KIF13A: variants seen among roughly 807,000 people sequenced by gnomAD.
The protein encoded by KIF13A is kinesin-like protein KIF13A.
In KIF13A, 79 loss-of-function variants were observed where a neutral mutation model predicts 212.2. The observed-to-expected ratio is 0.37, with a 90% CI of 0.31 to 0.45. KIF13A has a LOEUF of 0.45. Ranked by LOEUF, KIF13A falls within the 20% of genes least tolerant of loss-of-function variation. KIF13A has a pLI of 1.00. For missense variants in KIF13A, 1,901 were observed against 2,209.0 expected, an observed-to-expected ratio of 0.86 and a Z score of 2.79; for synonymous variants, 789 against 808.6, an observed-to-expected ratio of 0.98 and a Z score of 0.41.
rs1462468771 is a variant in KIF13A at position 17,814,310 on chromosome 6, G to A, written c.2000+2710C>T. Among the ~76,000 whole-genome samples the A allele has an allele frequency of 1.1e-4, 16 of 141,202 alleles. No homozygotes were observed. In the South Asian group the frequency reaches 1.1e-3, roughly 10 times the overall value. 92.6% of individuals were successfully genotyped at this position (141,202 alleles called of 152,430 possible). ...GTCACCCAGGCTAGAGTGCAGTGGC[G>A]TGATCTCAGATCACTGCAACCTCTG... On this transcript the variant is annotated intron_variant, in intron 17 of 38. Coordinates refer to ENST00000259711, the MANE Select transcript of KIF13A (RefSeq NM_022113.6).
chr6:17,902,816 C>T (rs976760300), intron 2 of KIF13A, among the ~76,000 whole-genome samples: 7 of 152,190 alleles, frequency 4.6e-5, no homozygotes, highest in African/African-American at 1.7e-4. Flanking sequence ...AAGATGTAAA[C>T]CCCTTGAAAA....
At position 17,783,162 on chromosome 6, in the gene KIF13A, C is replaced by A. The variant is rs375079560; in HGVS notation, c.3544+484G>T. 6.6e-6 allele frequency among the ~76,000 whole-genome samples: 1 copy of A among 152,206 alleles called. No individual in the cohort carries two copies. Among genetic ancestry groups the A allele is most frequent in the African/African-American group, 2.4e-5 (1 of 41,446 alleles). ...ACACATGGGGTTCCAGTTAATATTTCGTTTAGAAAAGGATTGTTCTGCTAA... is the reference window on the plus strand; with the variant it reads ...ACACATGGGGTTCCAGTTAATATTTAGTTTAGAAAAGGATTGTTCTGCTAA... On this transcript the variant is annotated intron_variant, in intron 29 of 38. Coordinates refer to ENST00000259711, the MANE Select transcript of KIF13A (RefSeq NM_022113.6). The surrounding 1 kb of genome is among the most constrained non-coding windows in gnomAD (Gnocchi z 4.3).
intron 3 of KIF13A, among the ~76,000 whole-genome samples, chr6:17,894,681 A>G (rs974982144): frequency 2.0e-5 from 3 of 152,180 alleles, no homozygotes; most frequent in Admixed American, 6.5e-5. Flanking sequence ...TACATTATTC[A>G]TAACTAAACT....
chr6:17,830,075 GC>G (rs1044129805), intron 13 of KIF13A, among the ~76,000 whole-genome samples: 1 of 152,176 alleles, frequency 6.6e-6, no homozygotes, highest in African/African-American at 2.4e-5. Context: ...CTGATGGTTG[GC>G]TGAATGCCTT....
At chr6:17,759,146 ATAT>A (rs1758480455), downstream of KIF13A, 1 of 152,166 alleles carries the variant, frequency 6.6e-6, no homozygotes, top group Admixed American at 6.6e-5. Context: ...ATAAATGCTG[ATAT>A]TATTATTTTT....
intron 9 of KIF13A, among the ~76,000 whole-genome samples, chr6:17,844,855 C>T (rs554539123): frequency 5.9e-5 from 9 of 152,246 alleles, no homozygotes; most frequent in African/African-American, 2.2e-4. Flanking sequence ...ATTTTTCTCC[C>T]TCAATACAAA....
chr6:17,772,981 G>A lies in KIF13A; in HGVS notation c.4324+497C>T, dbSNP rs1759629053. Among the ~76,000 whole-genome samples the A allele has an allele frequency of 1.3e-5, 2 of 152,082 alleles. No individual in the cohort carries two copies. Among genetic ancestry groups the A allele is most frequent in the African/African-American group, 2.4e-5 (1 of 41,416 alleles). ...ATATAAGGTATAAGGTAACAGAACC[G>A]ATATATATGGCCAAAGAATACTGTT... On this transcript the variant is annotated intron_variant, in intron 36 of 38. Coordinates refer to ENST00000259711, the MANE Select transcript of KIF13A (RefSeq NM_022113.6). The surrounding 1 kb of genome is among the most constrained non-coding windows in gnomAD (Gnocchi z 4.8).
At chr6:17,969,179 A>T (rs1779583039) in intron 2 of KIF13A, among the ~76,000 whole-genome samples, 3 of 152,222 alleles carry the variant, frequency 2.0e-5, no homozygotes, top group Admixed American at 2.0e-4. Flanking sequence ...CTCTGCTCTC[A>T]AGGAGTTTGC....
chr6:17,986,817 G>T (rs1267613582), intron 2 of KIF13A, among the ~76,000 whole-genome samples: 1 of 152,070 alleles, frequency 6.6e-6, no homozygotes, highest in East Asian at 1.9e-4. Context: ...AGCCCGCCCG[G>T]GCTCAGCTGA....
chr6:17,977,351 T>C (rs988275337), intron 2 of KIF13A, among the ~76,000 whole-genome samples: 1 of 152,218 alleles, frequency 6.6e-6, no homozygotes, highest in Non-Finnish European at 1.5e-5. Context: ...ATAGTTCACG[T>C]TGTCATACAA....
intron 17 of KIF13A, among the ~76,000 whole-genome samples, chr6:17,810,995 T>G (rs1763385485): frequency 6.6e-6 from 1 of 152,192 alleles, no homozygotes. Flanking sequence ...GGGACCCCTG[T>G]TCTAGACTAC....
rs61177020 is a variant in KIF13A, at chr6:17,856,180, T to C, written c.221-58A>G. 2,817 of 1,202,478 alleles carry C rather than the reference T, an allele frequency of 2.3e-3. 38 individuals are homozygous for C. The African/African-American group carries it at 0.038, about 16-fold the overall frequency. 74.5% of individuals were successfully genotyped at this position (1,202,478 alleles called of 1,614,324 possible). A position where few individuals can be genotyped will look rare whatever the true frequency, so the allele number is the denominator to read the frequency against. Reference sequence around the variant, plus strand: ...AAAAGAATAATTTTTCTTGACATATTTGTGTTAGTAACAATATTATGTCAA... The same window carrying C: ...AAAAGAATAATTTTTCTTGACATATCTGTGTTAGTAACAATATTATGTCAA... On this transcript the variant is annotated intron_variant, in intron 4 of 38. Transcript: ENST00000259711. The surrounding 1 kb of genome is among the most constrained non-coding windows in gnomAD (Gnocchi z 4.5).
chr6:17,960,386 C>T (rs763605564), intron 2 of KIF13A, among the ~76,000 whole-genome samples: 2 of 152,154 alleles, frequency 1.3e-5, no homozygotes, highest in Non-Finnish European at 2.9e-5. Context: ...TGAATTATAA[C>T]TAAAAATAAC....
rs982597995 is a variant in KIF13A at position 17,895,703 on chromosome 6, C to T, written c.159+2465G>A. 7.9e-5 allele frequency among the ~76,000 whole-genome samples: 12 copies of T among 152,196 alleles called. No homozygotes were observed. The highest frequency in any genetic ancestry group is 1.0e-4 in the Non-Finnish European group (7 of 68,034). On this transcript the variant is annotated intron_variant, in intron 3 of 38. Coordinates refer to ENST00000259711, the MANE Select transcript of KIF13A (RefSeq NM_022113.6). This position sits in a 1 kb window ranked among gnomAD's most constrained non-coding sequence, Gnocchi z 4.4. Reference sequence around the variant, plus strand: ...CATTTGCTCTGTCTTTAAGCCGCTCCTTCCTGAATGGCATATATCTAAATG... The same window carrying T: ...CATTTGCTCTGTCTTTAAGCCGCTCTTTCCTGAATGGCATATATCTAAATG...
chr6:17,972,432 A>C (rs1487915701), intron 2 of KIF13A, among the ~76,000 whole-genome samples: 1 of 152,250 alleles, frequency 6.6e-6, no homozygotes, highest in Non-Finnish European at 1.5e-5. Flanking sequence ...CTCAGCTATA[A>C]ATCTTTACAC....
chr6:17,761,594 G>C (rs9465070), downstream of KIF13A, among the ~76,000 whole-genome samples: 675 of 152,160 alleles, frequency 4.4e-3, 7 homozygotes, highest in African/African-American at 0.013. Context: ...TGTTGGTCAG[G>C]CTGGTCTCAA....
intron 2 of KIF13A, among the ~76,000 whole-genome samples, chr6:17,975,427 C>G (rs1011759840): frequency 6.6e-6 from 1 of 152,036 alleles, no homozygotes; most frequent in Non-Finnish European, 1.5e-5. Flanking sequence ...TTGGTGGGTT[C>G]GTGATCTCGC....
At chr6:17,866,888 CAT>C (rs200406349) in intron 4 of KIF13A, among the ~76,000 whole-genome samples, 2,951 of 140,492 alleles carry the variant, frequency 0.021, 62 homozygotes, top group Non-Finnish European at 0.033. Context: ...TACACACACA[CAT>C]ATATATACAC....
intron 17 of KIF13A, among the ~76,000 whole-genome samples, chr6:17,810,974 T>C (rs969173217): frequency 1.3e-5 from 2 of 152,214 alleles, no homozygotes; most frequent in African/African-American, 4.8e-5. Flanking sequence ...CAGTTTGTGG[T>C]CTGGGGATTG....
Sources: allele counts gnomAD v4.1 joint callset (sites outside exome capture counted in the v4.1 genomes callset), GRCh38; gene constraint gnomAD v4.1.1; non-coding constraint Gnocchi (gnomAD v3.1); transcripts MANE v1.5; gene names NCBI Gene and HGNC (gene_info 2026-07-23, HGNC 2026-07-21).